The following UNC13C variants were observed in gnomAD, a reference collection of about 807,000 sequenced individuals.
The protein encoded by UNC13C is protein unc-13 homolog C.
A neutral mutation model predicts 245.4 loss-of-function variants in UNC13C; 174 were observed. The ratio of observed to expected loss-of-function variants is 0.71; its 90% CI spans 0.63 to 0.80. UNC13C has a LOEUF of 0.80. UNC13C is among the 30% of genes least tolerant of loss of function. The pLI is 0.00. For missense variants in UNC13C, 2,829 were observed against 2,602.9 expected, an observed-to-expected ratio of 1.09 and a Z score of -1.89; for synonymous variants, 992 against 895.1, an observed-to-expected ratio of 1.11 and a Z score of -1.93.
chr15:54,149,249 C>T (rs1484105715), intron 4 of UNC13C, among the ~76,000 whole-genome samples: 3 of 152,160 alleles, frequency 2.0e-5, no homozygotes, highest in Non-Finnish European at 4.4e-5. Flanking sequence ...ATTACCCAGT[C>T]TCATGTTGTG....
the UNC13C span, among the ~76,000 whole-genome samples, chr15:53,967,327 TTTTG>T: frequency 9.4e-4 from 117 of 124,252 alleles, no homozygotes; most frequent in Middle Eastern, 4.7e-3. Context: ...ACAATTTTTT[TTTTG>T]TTGTTTTGTT....
At chr15:54,468,546 C>T (rs1178307321) in intron 19 of UNC13C, among the ~76,000 whole-genome samples, 1 of 151,452 alleles carries the variant, frequency 6.6e-6, no homozygotes, top group African/African-American at 2.4e-5. Flanking sequence ...GAAGATTTTC[C>T]CCTGTGTTTC....
chr15:54,451,368 GT>G (rs1337502653), intron 19 of UNC13C, among the ~76,000 whole-genome samples: 1 of 151,646 alleles, frequency 6.6e-6, no homozygotes, highest in South Asian at 2.1e-4. Context: ...TGTTAAATAG[GT>G]TTTTTTTATT....
intron 8 of UNC13C, among the ~76,000 whole-genome samples, chr15:54,256,443 T>A (rs1381761338): frequency 3.3e-5 from 5 of 152,184 alleles, no homozygotes; most frequent in African/African-American, 4.8e-5. Context: ...CACTTTCCAG[T>A]TTCAGTCCTC....
chr15:54,321,280 T>A, intron 13 of UNC13C: 3 of 476,266 alleles, frequency 6.3e-6, no homozygotes, highest in Middle Eastern at 8.0e-4. Context: ...ATGATTTCAA[T>A]CACTTCAATT....
Position 54,015,094 on chromosome 15 carries a change from C to A in UNC13C, c.2191C>A (p.Gln731Lys). The A allele has an allele frequency of 6.2e-7, 1 of 1,612,798 alleles. No homozygotes were observed. The highest frequency in any genetic ancestry group is 1.1e-5 in the South Asian group (1 of 90,856). Residue 731 changes from glutamine (Q) to lysine (K), a missense_variant, in exon 2 of 33, where the codon CAA becomes AAA. Coordinates refer to ENST00000260323, the MANE Select transcript of UNC13C (RefSeq NM_001080534.3). The stretch of plus-strand genomic sequence containing the variant: ...ATGCCCTGGCTTGGATAATGAACCA[C>A]AAGGCCAGTGGGTTGGCCAATATGA... ...SPCPGLDNEP[Q>K]GQWVGQYDSY... is the part of the protein sequence containing the mutation.
At chr15:54,049,505 T>G (rs780691662) in intron 2 of UNC13C, 2 of 318,780 alleles carry the variant, frequency 6.3e-6, no homozygotes, top group African/African-American at 2.3e-5. Context: ...TTAGTGGCCA[T>G]GATGGAATTC....
intron 17 of UNC13C, among the ~76,000 whole-genome samples, chr15:54,355,743 A>C (rs955804213): frequency 1.3e-5 from 2 of 151,964 alleles, no homozygotes; most frequent in African/African-American, 4.8e-5. Context: ...ATTTTTTTTT[A>C]AAGTATAAAG....
chr15:53,992,017 A>G (rs1376794444), intron 1 of UNC13C, among the ~76,000 whole-genome samples: 1 of 151,976 alleles, frequency 6.6e-6, no homozygotes, highest in Non-Finnish European at 1.5e-5. Context: ...TACTTCTCTG[A>G]GACTTATTAT....
chr15:54,340,415 G>A (rs781473975), intron 17 of UNC13C, among the ~76,000 whole-genome samples: 9 of 152,106 alleles, frequency 5.9e-5, no homozygotes, highest in Non-Finnish European at 1.2e-4. Flanking sequence ...TTTATAGTTC[G>A]AGGTCTTAGA....
chr15:54,460,482 T>G (rs1891774109), intron 19 of UNC13C, among the ~76,000 whole-genome samples: 1 of 152,192 alleles, frequency 6.6e-6, no homozygotes, highest in Non-Finnish European at 1.5e-5. Flanking sequence ...GCAGGGTTGT[T>G]CTGTTATGAG....
chr15:53,919,788 C>CTATA, the UNC13C span, among the ~76,000 whole-genome samples: 1 of 152,118 alleles, frequency 6.6e-6, no homozygotes, highest in Non-Finnish European at 1.5e-5. Context: ...ATATAACATG[C>CTATA]TATAGGATTC....
intron 30 of UNC13C, among the ~76,000 whole-genome samples, chr15:54,612,059 A>G (rs11633533): frequency 0.12 from 5,996 of 51,232 alleles, 211 homozygotes; most frequent in Admixed American, 0.29. Flanking sequence ...AGAATTTTAT[A>G]AAACACCATC....
chr15:54,391,569 C>T (rs34817929), intron 17 of UNC13C, among the ~76,000 whole-genome samples: 27,228 of 151,822 alleles, frequency 0.18, 2,534 homozygotes, highest in Middle Eastern at 0.23. Context: ...AAGTTGTTCT[C>T]GGGGATCATA....
chr15:54,238,443 C>T (rs2035765849), intron 7 of UNC13C, among the ~76,000 whole-genome samples: 2 of 151,994 alleles, frequency 1.3e-5, no homozygotes, highest in Admixed American at 6.6e-5. Context: ...GGTATGAGTC[C>T]CATCTGTGCC....
At chr15:54,374,688 C>T (rs2039566667) in intron 17 of UNC13C, among the ~76,000 whole-genome samples, 1 of 152,216 alleles carries the variant, frequency 6.6e-6, no homozygotes, top group Non-Finnish European at 1.5e-5. Context: ...CAGCTGCACC[C>T]AGAGGGGCAG....
the UNC13C span, among the ~76,000 whole-genome samples, chr15:53,941,920 G>C: frequency 6.6e-6 from 1 of 152,176 alleles, no homozygotes; most frequent in Non-Finnish European, 1.5e-5. Flanking sequence ...ATGCTGATGA[G>C]GTTGCCGAGA....
intron 19 of UNC13C, among the ~76,000 whole-genome samples, chr15:54,423,108 T>C (rs1441230042): frequency 6.6e-6 from 1 of 151,820 alleles, no homozygotes; most frequent in East Asian, 1.9e-4. Flanking sequence ...ATTACATGTT[T>C]ATAATATATA....
At chr15:54,587,512 A>G (rs1303943716) in intron 30 of UNC13C, among the ~76,000 whole-genome samples, 2 of 152,242 alleles carry the variant, frequency 1.3e-5, no homozygotes, top group Non-Finnish European at 2.9e-5. Context: ...ATGTAGTCGT[A>G]TAACTTCCAC....
Sources: gnomAD v4.1 joint callset for allele counts (sites outside exome capture counted in the v4.1 genomes callset) on GRCh38, gnomAD v4.1.1 for gene constraint, MANE v1.5 for transcripts, NCBI Gene and HGNC (gene_info 2026-07-23, HGNC 2026-07-21) for gene names.